The following AKAP13 variants were observed in gnomAD, a reference collection of about 807,000 sequenced individuals.
AKAP13 encodes the protein A-kinase anchor protein 13.
In AKAP13, 80 loss-of-function variants were observed where a neutral mutation model predicts 264.5. The ratio of observed to expected loss-of-function variants is 0.30; its 90% confidence interval spans 0.25 to 0.36. The LOEUF (loss-of-function observed/expected upper bound fraction) is 0.36. Ranked by LOEUF, AKAP13 falls within the 10% of genes least tolerant of loss-of-function variation. The probability of loss-of-function intolerance (pLI) is 1.00; values close to 1 mark genes in which losing one functional copy is unlikely to be tolerated. For synonymous variants in AKAP13, 1,380 were observed against 1,250.2 expected (o/e 1.10, Z -2.19); for missense variants, 3,712 against 3,435.2 (o/e 1.08, Z -2.01).
intron 8 of AKAP13, chr15:85,624,635 C>G (rs547642673): frequency 6.6e-6 from 1 of 152,332 alleles, no homozygotes; most frequent in East Asian, 1.9e-4. Flanking sequence ...TTTTGTTCAG[C>G]CTTGTAGCTC....
At chr15:85,543,656 A>C in intron 4 of AKAP13, 116 bp from the exon 5 acceptor site, 1 of 1,209,614 alleles carries the variant, frequency 8.3e-7, no homozygotes, top group Non-Finnish European at 1.1e-6. Flanking sequence ...TTGTAGCTTA[A>C]CTTTACAATC....
intron 16 of AKAP13, among the ~76,000 whole-genome samples, chr15:85,692,837 CT>C (rs1350402840): frequency 1.3e-5 from 2 of 152,150 alleles, no homozygotes; most frequent in African/African-American, 2.4e-5. Context: ...ACCCAGGCAT[CT>C]TTTTTTCCCT....
chr15:85,715,005 A>T (rs1318667273), intron 19 of AKAP13, among the ~76,000 whole-genome samples: 1 of 152,192 alleles, frequency 6.6e-6, no homozygotes, highest in African/African-American at 2.4e-5. Flanking sequence ...TTTGCAGCTT[A>T]AATATTAAAA....
intron 5 of AKAP13, among the ~76,000 whole-genome samples, chr15:85,563,666 G>A (rs1181247589): frequency 1.3e-5 from 2 of 152,140 alleles, no homozygotes; most frequent in East Asian, 3.9e-4. Context: ...TATATAAGGG[G>A]GAGAGCACAG....
chr15:85,428,504 CT>C (rs2072894444), intron 1 of AKAP13, among the ~76,000 whole-genome samples: 1 of 152,210 alleles, frequency 6.6e-6, no homozygotes, highest in East Asian at 1.9e-4. Context: ...TGGCCTTACC[CT>C]TATTTAAAGC....
At chr15:85,550,646 A>G (rs759672022) in intron 5 of AKAP13, among the ~76,000 whole-genome samples, 9 of 152,244 alleles carry the variant, frequency 5.9e-5, no homozygotes, top group Non-Finnish European at 1.0e-4. Context: ...ATCTGGTGCA[A>G]AACAAGTTTG....
At chr15:85,521,953 C>T (rs1335383010) in intron 3 of AKAP13, among the ~76,000 whole-genome samples, 1 of 152,070 alleles carries the variant, frequency 6.6e-6, no homozygotes, top group East Asian at 1.9e-4. Flanking sequence ...TTTTTATGGA[C>T]AGGGAATAAA....
At position 85,708,104 on chromosome 15, in the gene AKAP13, A is replaced by T; in HGVS notation, c.5532+18A>T. 6.2e-7 allele frequency: 1 copy of T among 1,612,832 alleles called. No individual in the cohort carries two copies. The highest frequency in any genetic ancestry group is 2.2e-5 in the East Asian group (1 of 44,868). On this transcript the variant is annotated intron_variant, in intron 18 of 36. Coordinates refer to ENST00000394518, the MANE Select transcript of AKAP13 (RefSeq NM_007200.5). The surrounding 1 kb of genome is among the most constrained non-coding windows in gnomAD (Gnocchi z 4.3). ...AAATGAAGGTAAGACTTTCTGGCTAAAACAAGGCTTAAAATAAAAGGGTTT... is the reference window on the plus strand; with the variant it reads ...AAATGAAGGTAAGACTTTCTGGCTATAACAAGGCTTAAAATAAAAGGGTTT...
At chr15:85,636,376 G>A (rs1205624162) in intron 8 of AKAP13, among the ~76,000 whole-genome samples, 1 of 152,022 alleles carries the variant, frequency 6.6e-6, no homozygotes, top group African/African-American at 2.4e-5. Flanking sequence ...AATGGTATGC[G>A]TTTTCTTTCT....
At chr15:85,562,702 T>C (rs1272796698) in intron 5 of AKAP13, among the ~76,000 whole-genome samples, 4 of 137,180 alleles carry the variant, frequency 2.9e-5, no homozygotes, top group Middle Eastern at 3.7e-3. Context: ...TTTTTTTTTT[T>C]TTTTTTTTTT....
chr15:85,439,859 T>C (rs781267935), intron 1 of AKAP13, among the ~76,000 whole-genome samples: 13 of 144,664 alleles, frequency 9.0e-5, no homozygotes, highest in East Asian at 2.1e-4. Flanking sequence ...TTAGGAGATA[T>C]ACCTAATGCT....
Position 85,442,081 on chromosome 15 carries a change from C to T in AKAP13, c.-11-43629C>T, listed in dbSNP as rs151193054. Reference sequence around the variant, plus strand: ...TTTGCACAGTTAGGGCTGGGTAAGCCTAGGATAGTACAAGCTATTGGACAG... The same window carrying T: ...TTTGCACAGTTAGGGCTGGGTAAGCTTAGGATAGTACAAGCTATTGGACAG... On this transcript the variant is annotated intron_variant, in intron 1 of 36. Coordinates refer to ENST00000394518, the MANE Select transcript of AKAP13 (RefSeq NM_007200.5). Among the ~76,000 whole-genome samples the T allele has an allele frequency of 1.1e-4, 16 of 152,074 alleles. 1 individual carries two copies. Among genetic ancestry groups the T allele is most frequent in the African/African-American group, 3.9e-4 (16 of 41,494 alleles).
chr15:85,495,392 G>A (rs1471950622), intron 2 of AKAP13, among the ~76,000 whole-genome samples: 4 of 152,144 alleles, frequency 2.6e-5, no homozygotes, highest in Non-Finnish European at 4.4e-5. Flanking sequence ...GCTTGTATTC[G>A]ATGCTGATAA....
At chr15:85,661,901 T>G (rs1199415566) in intron 12 of AKAP13, among the ~76,000 whole-genome samples, 2 of 75,176 alleles carry the variant, frequency 2.7e-5, no homozygotes, top group Admixed American at 2.8e-4. Flanking sequence ...TGGAAACACA[T>G]GAAAAAAAAA....
chr15:85,443,807 T>C (rs1405678021), intron 1 of AKAP13, among the ~76,000 whole-genome samples: 3 of 151,634 alleles, frequency 2.0e-5, no homozygotes, highest in Non-Finnish European at 4.4e-5. Context: ...AGGGTATTTG[T>C]GATTCTGGAG....
In AKAP13 at chr15:85,745,171, C is replaced by CA. The variant is rs1463818529; in HGVS notation, c.*496dup. On this transcript the variant is annotated 3_prime_UTR_variant, in exon 37 of 37. Transcript: ENST00000394518. ...GCCCAGTCTGCACCAGGCGTCTGGT[C>CA]AACTTAGCACAAGGGCAGTGCCTGG... The CA allele has an allele frequency of 6.5e-6, 1 of 154,140 alleles. No individual in the cohort carries two copies. 9.5% of individuals were successfully genotyped at this position (154,140 alleles called of 1,614,324 possible).
chr15:85,439,156 G>A (rs62022071), intron 1 of AKAP13, among the ~76,000 whole-genome samples: 19,033 of 151,910 alleles, frequency 0.13, 1,558 homozygotes, highest in Non-Finnish European at 0.19. Context: ...AAAAGTGGGC[G>A]AAGGACATGA....
At chr15:85,524,634 T>C (rs1223622021) in intron 3 of AKAP13, among the ~76,000 whole-genome samples, 1 of 152,224 alleles carries the variant, frequency 6.6e-6, no homozygotes, top group Non-Finnish European at 1.5e-5. Flanking sequence ...GCAGCACTTT[T>C]TGATGTTAGT....
chr15:85,568,486 A>G (rs1006137257), intron 5 of AKAP13, among the ~76,000 whole-genome samples: 4 of 152,188 alleles, frequency 2.6e-5, no homozygotes, highest in African/African-American at 9.7e-5. Flanking sequence ...GTTTGGCTGC[A>G]GAATGGGGTA....
Sources: gnomAD v4.1 joint callset for allele counts (sites outside exome capture counted in the v4.1 genomes callset) on GRCh38, gnomAD v4.1.1 for gene constraint, Gnocchi (gnomAD v3.1) non-coding constraint, MANE v1.5 for transcripts, NCBI Gene and HGNC (gene_info 2026-07-23, HGNC 2026-07-21) for gene names.